The following DOCK2 variants were observed in gnomAD, a reference collection of about 807,000 sequenced individuals.
The protein encoded by DOCK2 is dedicator of cytokinesis protein 2.
Under a neutral mutation model 248.9 loss-of-function variants are expected in DOCK2, and 87 were observed. The ratio of observed to expected loss-of-function variants is 0.35; its 90% CI spans 0.29 to 0.42. The LOEUF is 0.42. DOCK2 is among the 10% of genes least tolerant of loss of function. The pLI is 1.00. For synonymous variants in DOCK2, 805 were observed against 821.6 expected (o/e 0.98, Z 0.35); for missense variants, 1,747 against 2,300.2 (o/e 0.76, Z 4.92).
At chr5:169,654,234 C>T (rs913936341) in intron 1 of DOCK2, among the ~76,000 whole-genome samples, 169 bp from the exon 2 acceptor site, 1 of 152,220 alleles carries the variant, frequency 6.6e-6, no homozygotes, top group Admixed American at 6.5e-5. Flanking sequence ...GGGAGCCAGG[C>T]TGAGTCTGAA....
At chr5:169,840,585 C>T (rs1332797641) in intron 26 of DOCK2, among the ~76,000 whole-genome samples, 172 bp from the exon 27 acceptor site, 1 of 148,202 alleles carries the variant, frequency 6.7e-6, no homozygotes, top group South Asian at 2.2e-4. Flanking sequence ...GGAGATATGG[C>T]GATGATGATG....
chr5:169,925,884 G>A (rs977868271), intron 27 of DOCK2, among the ~76,000 whole-genome samples: 5 of 152,142 alleles, frequency 3.3e-5, no homozygotes, highest in Non-Finnish European at 5.9e-5. Context: ...ATGTTCCCTG[G>A]CAGCTGGGCC....
At chr5:169,994,747 T>TG (rs1324616774) in intron 29 of DOCK2, among the ~76,000 whole-genome samples, 8 of 152,032 alleles carry the variant, frequency 5.3e-5, no homozygotes, top group African/African-American at 1.9e-4. Flanking sequence ...AAAAGAAGGT[T>TG]GGGGTCCCAT....
At position 169,825,781 on chromosome 5, in the gene DOCK2, C is replaced by CTA. The variant is rs147276096; in HGVS notation, c.2704-14963_2704-14962dup. Among the ~76,000 whole-genome samples the CTA allele has an allele frequency of 1.2e-3, 168 of 145,714 alleles. 1 individual carries two copies. The highest frequency in any genetic ancestry group is 1.9e-3 in the Non-Finnish European group (124 of 66,300). ...ACTTAAAGTATAATAAAAAATATAT[C>CTA]TATATATATATATAAAGAAAATATT... On this transcript the variant is annotated intron_variant, in intron 26 of 51. Coordinates refer to ENST00000520908, the MANE Select transcript of DOCK2 (RefSeq NM_004946.3).
chr5:170,015,441 TGAG>T (rs1158025396), intron 32 of DOCK2, among the ~76,000 whole-genome samples: 1 of 152,072 alleles, frequency 6.6e-6, no homozygotes, highest in Non-Finnish European at 1.5e-5. Context: ...TCCTGAACAA[TGAG>T]GAGAGAATTG....
chr5:170,069,146 A>G lies in DOCK2; in HGVS notation c.4654A>G (p.Thr1552Ala). The change falls in exon 46 of 52, where the codon ACT (threonine) becomes GCT (alanine). Residue 1552 changes from threonine to alanine, a missense_variant. Around this residue, in one of 4 missense-constraint regions of DOCK2, gnomAD observed 513 missense variants for 586.1 expected, o/e 0.88. Coordinates refer to ENST00000520908, the MANE Select transcript of DOCK2 (RefSeq NM_004946.3). The stretch of plus-strand genomic sequence containing the variant: ...TATCTGTCCTCCCCAGGCCTTCTTC[A>G]CTGAAGAGTATGTCAGGGACCACCC... ...GFAKYEKAFF[T>A]EEYVRDHPED... is the part of the protein sequence containing the mutation. 1 of 1,613,852 alleles carries G rather than the reference A, an allele frequency of 6.2e-7. No individual in the cohort carries two copies. The highest frequency in any genetic ancestry group is 8.5e-7 in the Non-Finnish European group (1 of 1,179,870).
intron 33 of DOCK2, among the ~76,000 whole-genome samples, chr5:170,024,386 A>G (rs1258092268): frequency 2.4e-5 from 3 of 123,526 alleles, no homozygotes; most frequent in East Asian, 2.4e-4. Context: ...TTTGAGACAG[A>G]GTCTTACACT....
At chr5:170,080,571 T>G (rs1447159649) in intron 50 of DOCK2, 5 of 389,600 alleles carry the variant, frequency 1.3e-5, no homozygotes, top group Non-Finnish European at 2.3e-5. Context: ...TGGCCCCTTG[T>G]TCTCAGTTAG....
intron 27 of DOCK2, among the ~76,000 whole-genome samples, chr5:169,858,689 A>G (rs1485443407): frequency 2.0e-5 from 3 of 152,134 alleles, no homozygotes; most frequent in Non-Finnish European, 4.4e-5. Flanking sequence ...TTTGGCTGCT[A>G]TGTGGAGAAG....
intron 25 of DOCK2, among the ~76,000 whole-genome samples, chr5:169,800,091 T>G (rs922307609): frequency 3.9e-5 from 6 of 152,174 alleles, no homozygotes; most frequent in African/African-American, 1.4e-4. Flanking sequence ...AGGAGTGAGC[T>G]ACCATGCTCA....
intron 27 of DOCK2, among the ~76,000 whole-genome samples, chr5:169,953,567 AT>A (rs1776751954): frequency 6.6e-6 from 1 of 152,114 alleles, no homozygotes; most frequent in Non-Finnish European, 1.5e-5. Flanking sequence ...CATTATTATT[AT>A]TTGCATTATT....
In DOCK2 at chr5:169,774,893, T is replaced by G. The variant is rs867799483; in HGVS notation, c.2554+13268T>G. 5.3e-5 allele frequency among the ~76,000 whole-genome samples: 8 copies of G among 150,860 alleles called. No individual in the cohort carries two copies. The East Asian group carries it at 5.9e-4, about 11-fold the overall frequency. ...GTCATCCATATCCCCATGACTGTTT[T>G]TTGTTGTTGTTGTTGTTGTTGTTGT... On this transcript the variant is annotated intron_variant, in intron 25 of 51. Coordinates refer to ENST00000520908, the MANE Select transcript of DOCK2 (RefSeq NM_004946.3).
rs145943856 is a variant in DOCK2, at chr5:169,666,708, T to C, written c.128-2580T>C. On this transcript the variant is annotated intron_variant, in intron 2 of 51. Transcript: ENST00000520908. ...AGTCATAAGGATAGTCCGGATGCAG[T>C]TGATGCACTAGGCATGGGTTTGGAT... 1.2e-4 allele frequency among the ~76,000 whole-genome samples: 18 copies of C among 152,308 alleles called. No homozygotes were observed. The East Asian group carries it at 1.9e-3, about 16-fold the overall frequency.
At chr5:169,669,143 A>T in intron 2 of DOCK2, 145 bp from the exon 3 acceptor site, 1 of 830,344 alleles carries the variant, frequency 1.2e-6, no homozygotes, top group Non-Finnish European at 1.9e-6. Flanking sequence ...AAAGACTATG[A>T]GCTTCCAGAG....
chr5:169,695,859 C>T lies in DOCK2; in HGVS notation c.900C>T (p.Val300=), dbSNP rs1457200405. 6.2e-7 allele frequency: 1 copy of T among 1,613,896 alleles called. No individual in the cohort carries two copies. Among genetic ancestry groups the T allele is most frequent in the Non-Finnish European group, 8.5e-7 (1 of 1,179,958 alleles). ...RDKIYLICQI[V]RVGKMDLKDT... is the part of the protein sequence containing the mutation. ...AAATTTACTTGATTTGTCAAATAGT[C>T]CGGGTCGGCAAGATGGATCTTAAGG... is the stretch of plus-strand genomic sequence containing the variant. Residue 300 remains valine (V), a synonymous_variant, in exon 10 of 52, where the codon GTC becomes GTT. Transcript: ENST00000520908.
chr5:169,939,217 T>TA (rs1776130887), intron 27 of DOCK2, among the ~76,000 whole-genome samples: 3 of 151,274 alleles, frequency 2.0e-5, no homozygotes, highest in South Asian at 4.2e-4. Context: ...TTTTTTTTTT[T>TA]AAACTTTTTA....
chr5:170,014,635 GT>G (rs66852826), intron 32 of DOCK2, among the ~76,000 whole-genome samples: 77,171 of 129,698 alleles, frequency 0.6, 23,746 homozygotes, highest in East Asian at 0.85. Flanking sequence ...AGAGACATGT[GT>G]TGGGGGGGGT....
chr5:169,751,911 A>G (rs980695160), intron 23 of DOCK2, among the ~76,000 whole-genome samples: 16 of 152,208 alleles, frequency 1.1e-4, no homozygotes, highest in Non-Finnish European at 1.9e-4. Context: ...TCATAAAGTT[A>G]AATAGTTCAT....
chr5:169,946,249 A>C (rs989167521), intron 27 of DOCK2, among the ~76,000 whole-genome samples: 50 of 152,212 alleles, frequency 3.3e-4, no homozygotes, highest in Admixed American at 1.2e-3. Flanking sequence ...GCCACAGTGA[A>C]GAAAGCAGTG....
Sources: gnomAD v4.1 joint callset for allele counts (sites outside exome capture counted in the v4.1 genomes callset) on GRCh38, gnomAD v4.1.1 for gene constraint, gnomAD v4.1.1 regional missense constraint, MANE v1.5 for transcripts, NCBI Gene and HGNC (gene_info 2026-07-23, HGNC 2026-07-21) for gene names.